COL12A1: variants seen among roughly 807,000 people sequenced by gnomAD.
COL12A1 encodes the protein collagen alpha-1(XII) chain.
COL12A1 carries 114 observed loss-of-function variants against 349.7 expected under a neutral mutation model. The ratio of observed to expected loss-of-function variants is 0.33; its 90% confidence interval spans 0.28 to 0.38. The LOEUF is 0.38. Among genes scored for constraint, COL12A1 ranks in the 10% least tolerant of loss-of-function variants. The pLI, the probability that COL12A1 is intolerant of heterozygous loss-of-function variation, is 1.00. For missense variants in COL12A1, 3,284 were observed against 3,756.9 expected (o/e 0.87, Z 3.29); for synonymous variants, 1,369 against 1,329.0 (o/e 1.03, Z -0.66).
At chr6:75,101,303 A>G (rs1319636229) in intron 58 of COL12A1, among the ~76,000 whole-genome samples, 1 of 152,160 alleles carries the variant, frequency 6.6e-6, no homozygotes, top group African/African-American at 2.4e-5. Context: ...AGATTCTTGA[A>G]TCTCTTTTTA....
chr6:75,137,561 C>T lies in COL12A1; in HGVS notation c.5270G>A (p.Arg1757Gln), dbSNP rs1766686087. The change falls in exon 31 of 66, where the codon CGA becomes CAA. Residue 1757 changes from arginine (R) to glutamine (Q), a missense_variant. This residue lies in a region of COL12A1 where 2,601 missense variants were observed against 2,824.8 expected (regional missense o/e 0.92). Transcript: ENST00000322507. ...LTTQAPKSGP[R>Q]NLQVYNATSN... ...TGTTGCATTGTACACTTGAAGGTTT[C>T]GTGGGCCACTTTTGGGAGCTGAAAG... The T allele has an allele frequency of 6.2e-6, 10 of 1,613,396 alleles. No homozygotes were observed. Among genetic ancestry groups the T allele is most frequent in the East Asian group, 2.2e-5 (1 of 44,852 alleles).
rs1387818305 is a variant in COL12A1, at chr6:75,085,746, G to A, written c.*801C>T. On this transcript the variant is annotated 3_prime_UTR_variant, in exon 66 of 66. Transcript: ENST00000322507. ...AACTTGGAAAGATGAGGAGGTGAGG[G>A]GAAGTTTCATTGGCTCCTAGAAACT... The A allele has an allele frequency of 5.6e-5, 12 of 213,482 alleles. No homozygotes were observed. In the Admixed American group the frequency reaches 6.2e-4, roughly 11 times the overall value. 13.2% of individuals were successfully genotyped at this position (213,482 alleles called of 1,614,324 possible). A position where few individuals can be genotyped will look rare whatever the true frequency, so the allele number is the denominator to read the frequency against.
At position 75,183,658 on chromosome 6, in the gene COL12A1, A is replaced by G; in HGVS notation, c.1289-6T>C. On this transcript the variant is annotated splice_polypyrimidine_tract_variant and splice_region_variant and intron_variant, in intron 9 of 65. Coordinates refer to ENST00000322507, the MANE Select transcript of COL12A1 (RefSeq NM_004370.6). ...ATCCACACCACGTGAGCATTCTGTA[A>G]AGAGAAAAAAAGTACATTAAACTTC... 1 of 1,584,888 alleles carries G rather than the reference A, an allele frequency of 6.3e-7. No homozygotes were observed. Among genetic ancestry groups the G allele is most frequent in the East Asian group, 2.2e-5 (1 of 44,726 alleles).
chr6:75,139,744 A>G (rs1368132599), intron 27 of COL12A1, among the ~76,000 whole-genome samples: 1 of 152,212 alleles, frequency 6.6e-6, no homozygotes, highest in Non-Finnish European at 1.5e-5. Flanking sequence ...GAAGCAGAAC[A>G]TGCTGACCCT....
In COL12A1 at chr6:75,131,017, C is replaced by T. The variant is rs1766276978; in HGVS notation, c.5938-36G>A. ...GGAAATGCCAAATTCTGCCTGACAA[C>T]AACTCAAATGCTTACCAAGTCTTCA... is the stretch of plus-strand genomic sequence containing the variant. On this transcript the variant is annotated intron_variant, in intron 35 of 65. Transcript: ENST00000322507. The T allele has an allele frequency of 1.9e-6, 3 of 1,613,588 alleles. No homozygotes were observed. The South Asian group carries it at 3.3e-5, about 18-fold the overall frequency.
At chr6:75,159,940 T>C (rs2149430195) in intron 14 of COL12A1, among the ~76,000 whole-genome samples, 1 of 152,272 alleles carries the variant, frequency 6.6e-6, no homozygotes, top group Non-Finnish European at 1.5e-5. Context: ...CTTGATATAC[T>C]TTAACAACCT....
intron 15 of COL12A1, 121 bp from the exon 16 acceptor site, chr6:75,155,975 A>G (rs1767737768): frequency 9.5e-7 from 1 of 1,058,022 alleles, no homozygotes; most frequent in Non-Finnish European, 1.3e-6. Context: ...AGCACAAAAT[A>G]GCATGTTCCA....
Position 75,090,186 on chromosome 6 carries a change from G to A in COL12A1, c.8865C>T (p.Ala2955=), listed in dbSNP as rs2149326931. The part of the protein sequence containing the change: ...GPPGPPGSAG[A]RGEPGPGGRP... ...GCCCCCCAGGCCCAGGTTCTCCTCT[G>A]GCTCCTGCGCTACCAGGAGGTCCCG... The change falls in exon 63 of 66, where the codon GCC becomes GCT. Residue 2955 remains alanine (A), a synonymous_variant. Coordinates refer to ENST00000322507, the MANE Select transcript of COL12A1 (RefSeq NM_004370.6). The surrounding 1 kb of genome is among the most constrained non-coding windows in gnomAD (Gnocchi z 4.1). 1.9e-6 allele frequency: 3 copies of A among 1,614,112 alleles called. No homozygotes were observed. The highest frequency in any genetic ancestry group is 2.5e-6 in the Non-Finnish European group (3 of 1,180,020).
At chr6:75,164,628 A>G (rs471960) in intron 14 of COL12A1, among the ~76,000 whole-genome samples, 3,217 of 152,208 alleles carry the variant, frequency 0.021, 115 homozygotes, top group African/African-American at 0.072. Context: ...AGGTACAGAA[A>G]TTTCCCATGT....
At chr6:75,115,680 T>G in intron 49 of COL12A1, 104 bp downstream of exon 49, 1 of 1,387,716 alleles carries the variant, frequency 7.2e-7, no homozygotes, top group Non-Finnish European at 9.8e-7. Context: ...CCATAAGCAG[T>G]CTTCTGACAA....
At position 75,133,280 on chromosome 6, in the gene COL12A1, C is replaced by T. The variant is rs1251026138; in HGVS notation, c.5794+13G>A. On this transcript the variant is annotated intron_variant, in intron 34 of 65. Transcript: ENST00000322507. The stretch of plus-strand genomic sequence containing the variant: ...TTATGATGAAAAATTAATTTTTTGG[C>T]TTTATTACTTACATGTCCTTCCAGT... 5.1e-6 allele frequency: 8 copies of T among 1,559,304 alleles called. No individual in the cohort carries two copies. In the Admixed American group the frequency reaches 1.2e-4, roughly 23 times the overall value.
At chr6:75,124,126 T>C (rs1306801809) in intron 41 of COL12A1, 32 bp from the exon 42 acceptor site, 1 of 1,602,168 alleles carries the variant, frequency 6.2e-7, no homozygotes, top group East Asian at 2.2e-5. Context: ...AATGCCAGTG[T>C]CATCACCAAT....
At chr6:75,134,121 G>T in intron 32 of COL12A1, 124 bp from the exon 33 acceptor site, 1 of 1,078,226 alleles carries the variant, frequency 9.3e-7, no homozygotes, top group Non-Finnish European at 1.3e-6. Flanking sequence ...ATTTGTTGAA[G>T]TAGTGAATAA....
chr6:75,111,683 A>G (rs979528785), intron 51 of COL12A1, among the ~76,000 whole-genome samples: 2 of 151,888 alleles, frequency 1.3e-5, no homozygotes, highest in Non-Finnish European at 2.9e-5. Context: ...ACAGATAAAG[A>G]TCAGTTGAAG....
At chr6:75,123,219 A>G in intron 43 of COL12A1, 111 bp downstream of exon 43, 1 of 982,290 alleles carries the variant, frequency 1.0e-6, no homozygotes, top group Non-Finnish European at 1.6e-6. Flanking sequence ...TTCAGCAGCA[A>G]TAATAGATCA....
Position 75,147,730 on chromosome 6 carries a change from C to T in COL12A1, c.4362G>A (p.Val1454=). The change falls in exon 23 of 66, where the codon GTG becomes GTA. Residue 1454 remains valine, a synonymous_variant. Transcript: ENST00000322507. ...LKPETEYVVN[V]YSVVEDEYSE... ...TATATTCATCTTCTACCACAGAATA[C>T]ACATTGACAACATATTCAGTTTCAG... 2 of 1,613,468 alleles carry T rather than the reference C, an allele frequency of 1.2e-6. No homozygotes were observed. The highest frequency in any genetic ancestry group is 8.5e-7 in the Non-Finnish European group (1 of 1,179,548).
At position 75,155,730 on chromosome 6, in the gene COL12A1, C is replaced by T. The variant is rs1767717961; in HGVS notation, c.3375G>A (p.Gly1125=). ...KGYKVTFHPT[G]DDRRLGELVV... is the part of the protein sequence containing the mutation. ...CTAACTCCCCCAGTCTTCTGTCATC[C>T]CCCGTAGGGTGGAATGTGACTTTAT... Residue 1125 remains glycine, a synonymous_variant, in exon 16 of 66, where the codon GGG becomes GGA. Transcript: ENST00000322507. 1 of 1,612,856 alleles carries T rather than the reference C, an allele frequency of 6.2e-7. No individual in the cohort carries two copies. The highest frequency in any genetic ancestry group is 1.7e-5 in the Admixed American group (1 of 59,868).
intron 51 of COL12A1, among the ~76,000 whole-genome samples, chr6:75,112,720 T>C (rs1178153385): frequency 6.6e-6 from 1 of 151,680 alleles, no homozygotes; most frequent in East Asian, 1.9e-4. Flanking sequence ...AACTTTTGGA[T>C]TGATAAAAAT....
Position 75,086,328 on chromosome 6 carries a change from T to G in COL12A1, c.*219A>C. The G allele has an allele frequency of 3.3e-6, 1 of 303,998 alleles. No individual in the cohort carries two copies. The highest frequency in any genetic ancestry group is 6.4e-6 in the Non-Finnish European group (1 of 155,374). 18.8% of individuals were successfully genotyped at this position (303,998 alleles called of 1,614,324 possible). A position where few individuals can be genotyped will look rare whatever the true frequency, so the allele number is the denominator to read the frequency against. On this transcript the variant is annotated 3_prime_UTR_variant, in exon 66 of 66. Coordinates refer to ENST00000322507, the MANE Select transcript of COL12A1 (RefSeq NM_004370.6). Reference sequence around the variant, plus strand: ...ATGTTTTTCTACATTATTACTGAAATGCATCAGGATTATAAACTGACACCA... The same window carrying G: ...ATGTTTTTCTACATTATTACTGAAAGGCATCAGGATTATAAACTGACACCA...
Sources: allele counts gnomAD v4.1 joint callset (sites outside exome capture counted in the v4.1 genomes callset), GRCh38; gene constraint gnomAD v4.1.1; regional missense constraint gnomAD v4.1.1; non-coding constraint Gnocchi (gnomAD v3.1); transcripts MANE v1.5; gene names NCBI Gene and HGNC (gene_info 2026-07-23, HGNC 2026-07-21).